Variants in PRRC2A observed in about 807,000 individuals in gnomAD.
The protein encoded by PRRC2A is proline rich coiled-coil 2A, also known as protein PRRC2A.
Under a neutral mutation model 224.6 loss-of-function variants are expected in PRRC2A, and 59 were observed. The observed-to-expected ratio is 0.26, with a 90% confidence interval of 0.21 to 0.33. PRRC2A has a LOEUF of 0.33. PRRC2A is among the 10% of genes least tolerant of loss of function. PRRC2A has a pLI of 1.00. For synonymous variants in PRRC2A, 1,194 were observed against 1,109.5 expected, an observed-to-expected ratio of 1.08 and a Z score of -1.51; for missense variants, 3,095 against 2,880.7, an observed-to-expected ratio of 1.07 and a Z score of -1.70.
Position 31,636,645 on chromosome 6 carries a change from T to G in PRRC2A, c.5934+37T>G, listed in dbSNP as rs778900404. The G allele has an allele frequency of 6.3e-7, 1 of 1,590,836 alleles. No homozygotes were observed. The highest frequency in any genetic ancestry group is 8.6e-7 in the Non-Finnish European group (1 of 1,164,228). On this transcript the variant is annotated intron_variant, in intron 27 of 30. Transcript: ENST00000376033. This position sits in a 1 kb window ranked among gnomAD's most constrained non-coding sequence, Gnocchi z 4.3. ...CTTCACACTTCCCCTTCATTTGATT[T>G]CTCTGTCCAGTTGCTGGCTTTGATT...
chr6:31,637,213 T>A (rs1451191844), intron 29 of PRRC2A, 21 bp from the exon 30 acceptor site: 1 of 1,606,856 alleles, frequency 6.2e-7, no homozygotes, highest in African/African-American at 1.3e-5. Flanking sequence ...AGGCTTGCCT[T>A]AGACGCCCTT....
Position 31,636,363 on chromosome 6 carries a change from T to C in PRRC2A, c.5779T>C (p.Phe1927Leu). 1 of 1,612,978 alleles carries C rather than the reference T, an allele frequency of 6.2e-7. No homozygotes were observed. Residue 1927 changes from phenylalanine to leucine, a missense_variant, in exon 26 of 31, where the codon TTC becomes CTC. Around this residue, in one of 8 missense-constraint regions of PRRC2A, gnomAD observed 662 missense variants for 609.5 expected, o/e 1.09. Coordinates refer to ENST00000376033, the MANE Select transcript of PRRC2A (RefSeq NM_004638.4). This position sits in a 1 kb window ranked among gnomAD's most constrained non-coding sequence, Gnocchi z 4.3. ...AGGVLYPPPSFLYSPAFCPSP... is the reference protein window; with the variant it reads ...AGGVLYPPPSLLYSPAFCPSP... ...AGGAGTTCTCTACCCTCCACCTTCC[T>C]TCCTCTACTCTCCGGCTTTCTGCCC...
At position 31,631,804 on chromosome 6, in the gene PRRC2A, G is replaced by C. The variant is rs1776623842; in HGVS notation, c.3131G>C (p.Gly1044Ala). The change falls in exon 16 of 31, where the codon GGA becomes GCA. Residue 1044 changes from glycine (G) to alanine (A), a missense_variant. Physicochemically the swap from Gly to Ala is moderately conservative, Grantham distance 60 (BLOSUM62 0). This residue lies in a region of PRRC2A where 2,001 missense variants were observed against 1,764.9 expected (regional missense o/e 1.13). Coordinates refer to ENST00000376033, the MANE Select transcript of PRRC2A (RefSeq NM_004638.4). This position sits in a 1 kb window ranked among gnomAD's most constrained non-coding sequence, Gnocchi z 4.5. ...RGRGFRGTYGGRGRGARSREF... is the reference protein window; with the variant it reads ...RGRGFRGTYGARGRGARSREF... ...AGGGGTTTTCGGGGGACCTATGGGG[G>C]ACGAGGGCGGGGAGCCCGAAGCCGG... 1 of 1,585,202 alleles carries C rather than the reference G, an allele frequency of 6.3e-7. No individual in the cohort carries two copies. The highest frequency in any genetic ancestry group is 1.1e-5 in the South Asian group (1 of 87,136).
chr6:31,622,465 A>G (rs1293147362), intron 1 of PRRC2A, among the ~76,000 whole-genome samples: 1 of 152,170 alleles, frequency 6.6e-6, no homozygotes, highest in Admixed American at 6.5e-5. Context: ...CAGAGTGTTT[A>G]TACTAGGAGG....
Position 31,627,116 on chromosome 6 carries a change from C to T in PRRC2A, c.1208C>T (p.Pro403Leu), listed in dbSNP as rs755427459. 1.4e-5 allele frequency: 22 copies of T among 1,613,998 alleles called. No homozygotes were observed. Among genetic ancestry groups the T allele is most frequent in the Admixed American group, 1.2e-4 (7 of 60,014 alleles). ...AETSRPPETE[P>L]GPPAPKPPLP... is the part of the protein sequence containing the mutation. The stretch of plus-strand genomic sequence containing the variant: ...ACCTCTCGGCCTCCAGAGACAGAGC[C>T]GGGACCTCCTGCCCCAAAGCCTCCC... Residue 403 changes from proline to leucine, a missense_variant, in exon 11 of 31, where the codon CCG becomes CTG. Physicochemically the swap from Pro to Leu is moderately conservative, Grantham distance 98. Transcript: ENST00000376033. The surrounding 1 kb of genome is among the most constrained non-coding windows in gnomAD (Gnocchi z 5.6).
Position 31,632,356 on chromosome 6 carries a change from G to A in PRRC2A, c.3683G>A (p.Gly1228Glu), listed in dbSNP as rs1776729455. ...CCTGTGGCGCGCGGAGGCAGCAATGGAGGTAGCAATGTGGGCATGGAAGAT... is the reference window on the plus strand; with the variant it reads ...CCTGTGGCGCGCGGAGGCAGCAATGAAGGTAGCAATGTGGGCATGGAAGAT... ...LSPVARGGSN[G>E]GSNVGMEDGE... is the part of the protein sequence containing the mutation. Residue 1228 changes from glycine to glutamate, a missense_variant, in exon 16 of 31, where the codon GGA (glycine) becomes GAA (glutamate). Physicochemically the swap from Gly to Glu is moderately conservative, Grantham distance 98. This residue lies in a region of PRRC2A where 2,001 missense variants were observed against 1,764.9 expected (regional missense o/e 1.13). Coordinates refer to ENST00000376033, the MANE Select transcript of PRRC2A (RefSeq NM_004638.4). The A allele has an allele frequency of 6.2e-7, 1 of 1,613,244 alleles. No individual in the cohort carries two copies.
Position 31,625,191 on chromosome 6 carries a change from C to G in PRRC2A, c.484C>G (p.Leu162Val). The G allele has an allele frequency of 6.2e-7, 1 of 1,612,974 alleles. No individual in the cohort carries two copies. Residue 162 changes from leucine (L) to valine (V), a missense_variant, in exon 6 of 31, where the codon CTG becomes GTG. Physicochemically the swap from Leu to Val is conservative, Grantham distance 32 (BLOSUM62 1). Transcript: ENST00000376033. This position sits in a 1 kb window ranked among gnomAD's most constrained non-coding sequence, Gnocchi z 4.1. ...AATAGGTGGAAGGGCATCAAGCCTACTGTCACGATTCTCTCGAGAGGAATT... is the reference window on the plus strand; with the variant it reads ...AATAGGTGGAAGGGCATCAAGCCTAGTGTCACGATTCTCTCGAGAGGAATT... The part of the protein sequence containing the change: ...HGDGGRASSL[L>V]SRFSREEFPT...
intron 2 of PRRC2A, chr6:31,623,257 AGATTT>A: frequency 4.8e-6 from 2 of 418,934 alleles, no homozygotes; most frequent in Non-Finnish European, 4.3e-6. Flanking sequence ...GGGATTTCAT[AGATTT>A]TTTTTTTTTT....
chr6:31,620,994 C>G (rs975681793), intron 1 of PRRC2A, 136 bp downstream of exon 1: 1 of 154,378 alleles, frequency 6.5e-6, no homozygotes, highest in African/African-American at 2.4e-5. Context: ...TTTTGTCCTC[C>G]TGCTGCCGGG....
At position 31,634,495 on chromosome 6, in the gene PRRC2A, C is replaced by T; in HGVS notation, c.4873C>T (p.Pro1625Ser). ...AGCCACTAGCCGAAAGAGTTACCGG[C>T]CCAGCTCCATGGAGCCTTGGATGGA... The part of the protein sequence containing the change: ...HTATSRKSYR[P>S]SSMEPWMEPL... Residue 1625 changes from proline to serine, a missense_variant, in exon 20 of 31, where the codon CCC becomes TCC. Transcript: ENST00000376033. 1.9e-6 allele frequency: 3 copies of T among 1,612,920 alleles called. No homozygotes were observed. Among genetic ancestry groups the T allele is most frequent in the Non-Finnish European group, 2.5e-6 (3 of 1,179,966 alleles).
rs1775869698 is a variant in PRRC2A at position 31,626,025 on chromosome 6, T to C, written c.845T>C (p.Phe282Ser). The C allele has an allele frequency of 6.2e-7, 1 of 1,612,112 alleles. No homozygotes were observed. Among genetic ancestry groups the C allele is most frequent in the African/African-American group, 1.3e-5 (1 of 74,870 alleles). The change falls in exon 9 of 31, where the codon TTT (phenylalanine) becomes TCT (serine). Residue 282 changes from phenylalanine to serine, a missense_variant. By Grantham distance (155) the Phe-to-Ser change is radical. Transcript: ENST00000376033. Reference sequence around the variant, plus strand: ...ATTTTCTTTTTTGTGTACAGCCGTTTTCCCCGTGTGGCGGGCCCCCGAGGC... The same window carrying C: ...ATTTTCTTTTTTGTGTACAGCCGTTCTCCCCGTGTGGCGGGCCCCCGAGGC... ...RYPTPDGPSR[F>S]PRVAGPRGSG...
At position 31,632,612 on chromosome 6, in the gene PRRC2A, C is replaced by T. The variant is rs368201034; in HGVS notation, c.3939C>T (p.Asn1313=). The part of the protein sequence containing the change: ...AAKSPDLSNQ[N]SDQANEEWET... ...AGTCTCCTGATCTGTCAAACCAGAA[C>T]TCAGACCAAGCCAATGAGGAATGGG... Residue 1313 remains asparagine, a synonymous_variant, in exon 16 of 31, where the codon AAC becomes AAT. Transcript: ENST00000376033. The T allele has an allele frequency of 2.4e-5, 38 of 1,612,976 alleles. No individual in the cohort carries two copies. The highest frequency in any genetic ancestry group is 2.4e-5 in the Non-Finnish European group (28 of 1,180,038).
At position 31,632,781 on chromosome 6, in the gene PRRC2A, C is replaced by T. The variant is rs776086561; in HGVS notation, c.4108C>T (p.Arg1370Cys). The T allele has an allele frequency of 9.9e-6, 16 of 1,612,974 alleles. No homozygotes were observed. Among genetic ancestry groups the T allele is most frequent in the East Asian group, 4.5e-5 (2 of 44,890 alleles). Residue 1370 changes from arginine to cysteine, a missense_variant, in exon 16 of 31, where the codon CGC becomes TGC. Arg to Cys is a radical substitution (Grantham distance 180). This residue lies in a region of PRRC2A where 2,001 missense variants were observed against 1,764.9 expected (regional missense o/e 1.13). Coordinates refer to ENST00000376033, the MANE Select transcript of PRRC2A (RefSeq NM_004638.4). ...CGTACCAGGTATTTCAGCCATGTCC[C>T]GCGGAGATCTGAGCCAGAGAGCCAA... ...GAVPGISAMS[R>C]GDLSQRAKDL...
chr6:31,633,879 G>C lies in PRRC2A; in HGVS notation c.4609G>C (p.Gly1537Arg). The change falls in exon 18 of 31, where the codon GGG becomes CGG. Residue 1537 changes from glycine (G) to arginine (R), a missense_variant. Gly to Arg is a moderately radical substitution (Grantham distance 125). Transcript: ENST00000376033. ...LSSDPHFEEP[G>R]PMVRGVGGTP... is the part of the protein sequence containing the mutation. ...CCCAGACCCCCACTTTGAGGAGCCG[G>C]GGCCAATGGTGAGAGGGGTGGGTGG... is the stretch of plus-strand genomic sequence containing the variant. 1 of 1,580,142 alleles carries C rather than the reference G, an allele frequency of 6.3e-7. No individual in the cohort carries two copies.
chr6:31,622,150 G>A (rs1216959718), intron 1 of PRRC2A, among the ~76,000 whole-genome samples: 1 of 152,116 alleles, frequency 6.6e-6, no homozygotes, highest in African/African-American at 2.4e-5. Flanking sequence ...CCCCCATTCC[G>A]GCTGAGCAAG....
chr6:31,635,294 G>C (rs1473164626), intron 22 of PRRC2A, 22 bp downstream of exon 22: 10 of 1,613,752 alleles, frequency 6.2e-6, no homozygotes, highest in African/African-American at 2.7e-5. Context: ...CTGGATCTGG[G>C]TATCCTGAGT....
chr6:31,633,893 A>AGGG lies in PRRC2A; in HGVS notation c.4625_4627dup (p.Gly1542dup). Reference sequence around the variant, plus strand: ...TTGAGGAGCCGGGGCCAATGGTGAGAGGGGTGGGTGGGACTCCTCGGGACT... The same window carrying AGGG: ...TTGAGGAGCCGGGGCCAATGGTGAGAGGGGGGGTGGGTGGGACTCCTCGGGACT... On this transcript the variant is annotated inframe_insertion, in exon 18 of 31. Transcript: ENST00000376033. 2 of 898,844 alleles carry AGGG rather than the reference A, an allele frequency of 2.2e-6. No homozygotes were observed. Among genetic ancestry groups the AGGG allele is most frequent in the Non-Finnish European group, 3.3e-6 (2 of 614,100 alleles). The allele number at this position is 898,844 out of a possible 1,614,324, so 55.7% of individuals were successfully genotyped here. A position where few individuals can be genotyped will look rare whatever the true frequency, so the allele number is the denominator to read the frequency against.
Position 31,633,932 on chromosome 6 carries a change from T to A in PRRC2A, c.4662T>A (p.Ser1554Arg). ...GGTPRDSAGV[S>R]PFPPKRRERP... Reference sequence around the variant, plus strand: ...CTCCTCGGGACTCTGCCGGGGTTAGTCCCTTTCCCCCTAAACGTCGGGAGC... The same window carrying A: ...CTCCTCGGGACTCTGCCGGGGTTAGACCCTTTCCCCCTAAACGTCGGGAGC... The change falls in exon 18 of 31, where the codon AGT becomes AGA. Residue 1554 changes from serine (S) to arginine (R), a missense_variant. This residue lies in a region of PRRC2A where 2,001 missense variants were observed against 1,764.9 expected (regional missense o/e 1.13). Transcript: ENST00000376033. 1 of 1,592,522 alleles carries A rather than the reference T, an allele frequency of 6.3e-7. No individual in the cohort carries two copies. Among genetic ancestry groups the A allele is most frequent in the African/African-American group, 1.4e-5 (1 of 73,354 alleles).
Position 31,631,796 on chromosome 6 carries a change from C to A in PRRC2A, c.3123C>A (p.Thr1041=). 1 of 1,579,500 alleles carries A rather than the reference C, an allele frequency of 6.3e-7. No individual in the cohort carries two copies. The highest frequency in any genetic ancestry group is 8.6e-7 in the Non-Finnish European group (1 of 1,161,476). ...YFARGRGFRG[T]YGGRGRGARS... ...CCAGAGGGAGGGGTTTTCGGGGGAC[C>A]TATGGGGGACGAGGGCGGGGAGCCC... Residue 1041 remains threonine, a synonymous_variant, in exon 16 of 31, where the codon ACC becomes ACA. Transcript: ENST00000376033. The surrounding 1 kb of genome is among the most constrained non-coding windows in gnomAD (Gnocchi z 4.5).
Sources: allele counts gnomAD v4.1 joint callset (sites outside exome capture counted in the v4.1 genomes callset), GRCh38; gene constraint gnomAD v4.1.1; regional missense constraint gnomAD v4.1.1; non-coding constraint Gnocchi (gnomAD v3.1); transcripts MANE v1.5; gene names NCBI Gene and HGNC (gene_info 2026-07-23, HGNC 2026-07-21).